The following AGAP1 variants were observed in gnomAD, a reference collection of about 807,000 sequenced individuals.
AGAP1 encodes ArfGAP with GTPase domain, ankyrin repeat and PH domain 1, also known as arf-GAP with GTPase, ANK repeat and PH domain-containing protein 1.
A neutral mutation model predicts 105.3 loss-of-function variants in AGAP1; 29 were observed. That is an observed-to-expected ratio of 0.28 (90% CI 0.21 to 0.38). The LOEUF is 0.38. Ranked by LOEUF, AGAP1 falls within the 10% of genes least tolerant of loss-of-function variation. AGAP1 has a pLI of 1.00. For missense variants in AGAP1, 998 were observed against 1,165.1 expected (o/e 0.86, Z 2.09); for synonymous variants, 509 against 485.9 (o/e 1.05, Z -0.63).
rs1459020388 is a variant in AGAP1 at position 235,614,316 on chromosome 2, C to G, written c.164-94863C>G. On this transcript the variant is annotated intron_variant, in intron 1 of 17. Transcript: ENST00000304032. The surrounding 1 kb of genome is among the most constrained non-coding windows in gnomAD (Gnocchi z 4.7). ...GAGCGTGTATAACAAAAGTGGGATC[C>G]GGAAAGGGCTGCTGGCGAGTGGGAG... Among the ~76,000 whole-genome samples the G allele has an allele frequency of 6.6e-6, 1 of 152,014 alleles. No individual in the cohort carries two copies. The highest frequency in any genetic ancestry group is 1.5e-5 in the Non-Finnish European group (1 of 68,016).
rs890163981 is a variant in AGAP1, at chr2:236,027,184, A to G, written c.1646-9377A>G. Among the ~76,000 whole-genome samples, 9 of 152,174 alleles carry G rather than the reference A, an allele frequency of 5.9e-5. No individual in the cohort carries two copies. The highest frequency in any genetic ancestry group is 1.7e-4 in the African/African-American group (7 of 41,446). Reference sequence around the variant, plus strand: ...TAATCTTGGGAGGCAGAGAAAAGTCATATGGCAGATATAAATTAGATCTGA... The same window carrying G: ...TAATCTTGGGAGGCAGAGAAAAGTCGTATGGCAGATATAAATTAGATCTGA... On this transcript the variant is annotated intron_variant, in intron 13 of 17. Coordinates refer to ENST00000304032, the MANE Select transcript of AGAP1 (RefSeq NM_001037131.3). This position sits in a 1 kb window ranked among gnomAD's most constrained non-coding sequence, Gnocchi z 4.4.
At chr2:236,049,523 G>T in intron 16 of AGAP1, 1 of 448,606 alleles carries the variant, frequency 2.2e-6, no homozygotes, top group African/African-American at 1.9e-5. Context: ...CCCCCTCTTA[G>T]AAATGTATTA....
In AGAP1 at chr2:235,749,211, A is replaced by T. The variant is rs1352085520; in HGVS notation, c.539-1143A>T. 2.8e-3 allele frequency among the ~76,000 whole-genome samples: 243 copies of T among 85,876 alleles called. 3 individuals carry two copies. The East Asian group carries it at 0.074, about 26-fold the overall frequency. 56.3% of individuals were successfully genotyped at this position (85,876 alleles called of 152,430 possible). On this transcript the variant is annotated intron_variant, in intron 5 of 17. Coordinates refer to ENST00000304032, the MANE Select transcript of AGAP1 (RefSeq NM_001037131.3). ...CGACACAGTGAGACTCCATCTCATT[A>T]AAAAAAAAGAAAAAAAAAGCTGTCT...
intron 1 of AGAP1, among the ~76,000 whole-genome samples, chr2:235,638,588 A>G (rs1235560498): frequency 6.6e-6 from 1 of 152,264 alleles, no homozygotes; most frequent in African/African-American, 2.4e-5. Flanking sequence ...AAAACTGTAT[A>G]TATGCCCAGA....
In AGAP1 at chr2:236,000,346, A is replaced by G. The variant is rs1001184774; in HGVS notation, c.1645+31723A>G. Among the ~76,000 whole-genome samples, 3 of 152,330 alleles carry G rather than the reference A, an allele frequency of 2.0e-5. No homozygotes were observed. The highest frequency in any genetic ancestry group is 7.2e-5 in the African/African-American group (3 of 41,578). ...AAAGTTATTTGAGGACCTGCTGTAC[A>G]CAGTTTTGCTTAAAGTCACACATTT... On this transcript the variant is annotated intron_variant, in intron 13 of 17. Coordinates refer to ENST00000304032, the MANE Select transcript of AGAP1 (RefSeq NM_001037131.3). This position sits in a 1 kb window ranked among gnomAD's most constrained non-coding sequence, Gnocchi z 4.3.
intron 1 of AGAP1, among the ~76,000 whole-genome samples, chr2:235,516,604 G>T (rs1942398329): frequency 6.6e-6 from 1 of 152,098 alleles, no homozygotes; most frequent in Non-Finnish European, 1.5e-5. Context: ...CGTATTCCTG[G>T]CCAGCCTCCG....
rs1398339831 is a variant in AGAP1 at position 235,958,861 on chromosome 2, G to A, written c.1484-9601G>A. 1.3e-5 allele frequency among the ~76,000 whole-genome samples: 2 copies of A among 152,232 alleles called. No individual in the cohort carries two copies. Among genetic ancestry groups the A allele is most frequent in the Non-Finnish European group, 2.9e-5 (2 of 68,042 alleles). On this transcript the variant is annotated intron_variant, in intron 12 of 17. Coordinates refer to ENST00000304032, the MANE Select transcript of AGAP1 (RefSeq NM_001037131.3). This position sits in a 1 kb window ranked among gnomAD's most constrained non-coding sequence, Gnocchi z 4.1. Reference sequence around the variant, plus strand: ...CTTGTCAGCTCTCCGAGTGAAAAGTGAAACTGCTTCTTTGACTCATACTTC... The same window carrying A: ...CTTGTCAGCTCTCCGAGTGAAAAGTAAAACTGCTTCTTTGACTCATACTTC...
At chr2:235,871,786 G>A (rs1246314649) in intron 9 of AGAP1, among the ~76,000 whole-genome samples, 1 of 152,226 alleles carries the variant, frequency 6.6e-6, no homozygotes, top group African/African-American at 2.4e-5. Context: ...ACCAGGTGCT[G>A]CTAGGCTTTC....
At position 235,557,048 on chromosome 2, in the gene AGAP1, C is replaced by T. The variant is rs1007793890; in HGVS notation, c.163+62199C>T. On this transcript the variant is annotated intron_variant, in intron 1 of 17. Coordinates refer to ENST00000304032, the MANE Select transcript of AGAP1 (RefSeq NM_001037131.3). The surrounding 1 kb of genome is among the most constrained non-coding windows in gnomAD (Gnocchi z 4.7). ...GATCCCGAAGGCAGACTTGGCCTTC[C>T]CAGCTGGCGCGGGACTGGGGACTTA... Among the ~76,000 whole-genome samples, 4 of 152,154 alleles carry T rather than the reference C, an allele frequency of 2.6e-5. No homozygotes were observed. The highest frequency in any genetic ancestry group is 2.0e-4 in the Admixed American group (3 of 15,274).
rs996579621 is a variant in AGAP1 at position 235,555,865 on chromosome 2, G to A, written c.163+61016G>A. Among the ~76,000 whole-genome samples the A allele has an allele frequency of 6.6e-6, 1 of 152,216 alleles. No homozygotes were observed. Among genetic ancestry groups the A allele is most frequent in the African/African-American group, 2.4e-5 (1 of 41,450 alleles). On this transcript the variant is annotated intron_variant, in intron 1 of 17. Coordinates refer to ENST00000304032, the MANE Select transcript of AGAP1 (RefSeq NM_001037131.3). This position sits in a 1 kb window ranked among gnomAD's most constrained non-coding sequence, Gnocchi z 5.1. ...GTGTGAGGCCTGAGTTTGCAGGTTT[G>A]TGCAGGGCATTGATTGGTTGGTTGG... is the stretch of plus-strand genomic sequence containing the variant.
rs533587356 is a variant in AGAP1, at chr2:235,976,702, A to T, written c.1645+8079A>T. ...AGGACACACATAGACCAGTGGAGAA[A>T]GCAGAAACACGCCGGGGAACTTGGT... On this transcript the variant is annotated intron_variant, in intron 13 of 17. Transcript: ENST00000304032. This position sits in a 1 kb window ranked among gnomAD's most constrained non-coding sequence, Gnocchi z 4.5. Among the ~76,000 whole-genome samples, 21 of 152,306 alleles carry T rather than the reference A, an allele frequency of 1.4e-4. No homozygotes were observed. The highest frequency in any genetic ancestry group is 4.8e-4 in the African/African-American group (20 of 41,580).
intron 16 of AGAP1, among the ~76,000 whole-genome samples, chr2:236,115,447 C>T (rs1286113512): frequency 1.3e-5 from 2 of 152,214 alleles, no homozygotes; most frequent in African/African-American, 2.4e-5. Context: ...AGAGTGCAGC[C>T]TGTGAGCTTA....
intron 16 of AGAP1, among the ~76,000 whole-genome samples, chr2:236,102,010 G>A (rs528676378): frequency 4.6e-5 from 7 of 152,308 alleles, no homozygotes; most frequent in East Asian, 3.9e-4. Flanking sequence ...GGCTGGGCCC[G>A]GTGGCTCATG....
rs899979975 is a variant in AGAP1, at chr2:235,971,338, A to G, written c.1645+2715A>G. Among the ~76,000 whole-genome samples, 2 of 152,240 alleles carry G rather than the reference A, an allele frequency of 1.3e-5. No homozygotes were observed. The highest frequency in any genetic ancestry group is 2.4e-5 in the African/African-American group (1 of 41,466). ...CATATCATTGTAGATTCAGTGATAT[A>G]TGATATTTTTGATAGTTTTATTTAC... On this transcript the variant is annotated intron_variant, in intron 13 of 17. Transcript: ENST00000304032. This position sits in a 1 kb window ranked among gnomAD's most constrained non-coding sequence, Gnocchi z 4.8.
chr2:235,651,467 C>G (rs1157219540), intron 1 of AGAP1, among the ~76,000 whole-genome samples: 1 of 152,014 alleles, frequency 6.6e-6, no homozygotes, highest in Non-Finnish European at 1.5e-5. Flanking sequence ...TTTAAACAGC[C>G]CATACAAATA....
chr2:235,695,301 C>G (rs1012209989), intron 1 of AGAP1, among the ~76,000 whole-genome samples: 5 of 152,136 alleles, frequency 3.3e-5, no homozygotes, highest in Non-Finnish European at 5.9e-5. Flanking sequence ...CTTTATTGCC[C>G]TATCTTATAG....
intron 1 of AGAP1, among the ~76,000 whole-genome samples, chr2:235,515,253 C>A (rs1219193165): frequency 2.0e-5 from 3 of 152,004 alleles, no homozygotes. Flanking sequence ...AGCATAGAGG[C>A]GTTGGGATGG....
chr2:235,941,520 T>G (rs2053256723), intron 12 of AGAP1, among the ~76,000 whole-genome samples: 1 of 151,970 alleles, frequency 6.6e-6, no homozygotes, highest in Non-Finnish European at 1.5e-5. Context: ...TGGTGAAAAG[T>G]AAAATGAGGG....
chr2:235,893,468 C>T lies in AGAP1; in HGVS notation c.1155+10019C>T, dbSNP rs966874895. ...GAGCTGTGTCTGTGGTGCGGGTGCA[C>T]CATGTCCATCATAAGGGTGAGCCAT... On this transcript the variant is annotated intron_variant, in intron 10 of 17. Transcript: ENST00000304032. This position sits in a 1 kb window ranked among gnomAD's most constrained non-coding sequence, Gnocchi z 4.7. 1.0e-4 allele frequency among the ~76,000 whole-genome samples: 15 copies of T among 148,814 alleles called. No homozygotes were observed. The highest frequency in any genetic ancestry group is 3.2e-4 in the African/African-American group (13 of 40,096).
Sources: gnomAD v4.1 joint callset for allele counts (sites outside exome capture counted in the v4.1 genomes callset) on GRCh38, gnomAD v4.1.1 for gene constraint, Gnocchi (gnomAD v3.1) non-coding constraint, MANE v1.5 for transcripts, NCBI Gene and HGNC (gene_info 2026-07-23, HGNC 2026-07-21) for gene names.